The following NUP205 variants were observed in gnomAD, a reference collection of about 807,000 sequenced individuals.
NUP205 encodes the protein nucleoporin 205.
In NUP205, 76 loss-of-function variants were observed where a neutral mutation model predicts 253.8. The ratio of observed to expected loss-of-function variants is 0.30; its 90% CI spans 0.25 to 0.36. The LOEUF (loss-of-function observed/expected upper bound fraction) is 0.36, where lower values mean the gene tolerates loss of function less well. Among genes scored for constraint, NUP205 ranks in the 10% least tolerant of loss-of-function variants. NUP205 has a pLI of 1.00. For synonymous variants in NUP205, 832 were observed against 850.1 expected, an observed-to-expected ratio of 0.98 and a Z score of 0.37; for missense variants, 2,162 against 2,425.5, an observed-to-expected ratio of 0.89 and a Z score of 2.28.
At chr7:135,558,084 T>A in intron 1 of NUP205, 112 bp downstream of exon 1, 2 of 896,996 alleles carry the variant, frequency 2.2e-6, no homozygotes, top group Non-Finnish European at 3.8e-6. Context: ...GTGCGGTGCC[T>A]GCTTTTCCCT....
rs780340598 is a variant in NUP205, at chr7:135,573,789, A to G, written c.307A>G (p.Ile103Val). Reference protein sequence around the residue: ...EAFILSDLFDIGELAAVELLL... With the variant: ...EAFILSDLFDVGELAAVELLL... ...CTTTATTCTCAGTGACCTTTTTGAT[A>G]TTGGAGAATTGGCAGCTGTTGAGCT... The change falls in exon 3 of 43, where the codon ATT (isoleucine) becomes GTT (valine). Residue 103 changes from isoleucine to valine, a missense_variant. Ile to Val is a conservative substitution (Grantham distance 29). Around this residue, in one of 5 missense-constraint regions of NUP205, gnomAD observed 109 missense variants for 131.8 expected, o/e 0.83. Coordinates refer to ENST00000285968, the MANE Select transcript of NUP205 (RefSeq NM_015135.3). 3 of 1,613,232 alleles carry G rather than the reference A, an allele frequency of 1.9e-6. No homozygotes were observed. Among genetic ancestry groups the G allele is most frequent in the Admixed American group, 3.3e-5 (2 of 59,832 alleles).
chr7:135,644,788 TTGAG>T (rs1794976033), intron 39 of NUP205, 103 bp from the exon 40 acceptor site: 4 of 1,083,550 alleles, frequency 3.7e-6, no homozygotes, highest in Non-Finnish European at 5.3e-6. Flanking sequence ...ATGTTTAAAT[TTGAG>T]TGTTTTTCAT....
Position 135,577,145 on chromosome 7 carries a change from A to G in NUP205, c.648+17A>G, listed in dbSNP as rs1457070422. On this transcript the variant is annotated intron_variant, in intron 5 of 42. Coordinates refer to ENST00000285968, the MANE Select transcript of NUP205 (RefSeq NM_015135.3). ...CGCAAAGAGGCAAGGGTTCAATGAAATCAATTCATGAGTTGTCTGTCAAAT... is the reference window on the plus strand; with the variant it reads ...CGCAAAGAGGCAAGGGTTCAATGAAGTCAATTCATGAGTTGTCTGTCAAAT... The G allele has an allele frequency of 6.3e-7, 1 of 1,595,942 alleles. No individual in the cohort carries two copies. The highest frequency in any genetic ancestry group is 1.4e-5 in the African/African-American group (1 of 73,712).
At chr7:135,619,313 G>A in intron 28 of NUP205, 110 bp from the exon 29 acceptor site, 2 of 1,179,860 alleles carry the variant, frequency 1.7e-6, no homozygotes, top group Non-Finnish European at 2.4e-6. Context: ...CTGCACTCCA[G>A]CCTCGGTGAC....
At chr7:135,580,749 C>T (rs1312291723) in intron 7 of NUP205, among the ~76,000 whole-genome samples, 1 of 152,098 alleles carries the variant, frequency 6.6e-6, no homozygotes, top group East Asian at 1.9e-4. Flanking sequence ...AGGCGCGAGC[C>T]ACCATGCCCA....
intron 1 of NUP205, among the ~76,000 whole-genome samples, chr7:135,567,534 C>A (rs1181072092): frequency 6.6e-6 from 1 of 151,598 alleles, no homozygotes; most frequent in East Asian, 1.9e-4. Flanking sequence ...TCTCTTGACC[C>A]CAGGAAGTTG....
At chr7:135,617,857 G>A (rs1288061198) in intron 27 of NUP205, among the ~76,000 whole-genome samples, 175 bp downstream of exon 27, 1 of 150,738 alleles carries the variant, frequency 6.6e-6, no homozygotes, top group Non-Finnish European at 1.5e-5. Context: ...GAACTATCTG[G>A]TATGCCAAAA....
chr7:135,580,699 G>T (rs997654241), intron 7 of NUP205, among the ~76,000 whole-genome samples: 3 of 152,126 alleles, frequency 2.0e-5, no homozygotes, highest in East Asian at 1.9e-4. Context: ...CGGAGCTCAG[G>T]CAATCTGCCT....
chr7:135,589,917 C>T (rs1806580485), intron 10 of NUP205, among the ~76,000 whole-genome samples: 1 of 150,454 alleles, frequency 6.6e-6, no homozygotes, highest in South Asian at 2.1e-4. Context: ...GACCCTGTCT[C>T]AAAAGAAAAA....
At chr7:135,617,056 C>T in intron 25 of NUP205, 34 bp from the exon 26 acceptor site, 1 of 1,513,762 alleles carries the variant, frequency 6.6e-7, no homozygotes, top group Non-Finnish European at 9.0e-7. Flanking sequence ...TTCAATGTCC[C>T]AAGTAAAATC....
Position 135,588,061 on chromosome 7 carries a change from A to G in NUP205, c.1473+69A>G, listed in dbSNP as rs1806522531. ...AGAGAGTCTTGAAAACATGAAAGAT[A>G]TTACTTCCTGATTTTATTGCTGTTA... On this transcript the variant is annotated intron_variant, in intron 10 of 42. Transcript: ENST00000285968. 3 of 1,355,818 alleles carry G rather than the reference A, an allele frequency of 2.2e-6. No homozygotes were observed. In the Admixed American group the frequency reaches 7.2e-5, roughly 33 times the overall value. 84.0% of individuals were successfully genotyped at this position (1,355,818 alleles called of 1,614,324 possible). A position where few individuals can be genotyped will look rare whatever the true frequency, so the allele number is the denominator to read the frequency against.
intron 23 of NUP205, 69 bp from the exon 24 acceptor site, chr7:135,615,847 C>A: frequency 1.0e-6 from 1 of 987,328 alleles, no homozygotes; most frequent in South Asian, 2.7e-5. Context: ...TGTTGAGTTA[C>A]AGAATTTAAG....
At chr7:135,583,972 G>T (rs1443931666) in intron 7 of NUP205, among the ~76,000 whole-genome samples, 1 of 151,672 alleles carries the variant, frequency 6.6e-6, no homozygotes, top group East Asian at 2.0e-4. Context: ...CTCCCCAGTA[G>T]CTGGGATTAC....
rs1794504279 is a variant in NUP205 at position 135,622,852 on chromosome 7, T to C, written c.4406T>C (p.Ile1469Thr). Reference sequence around the variant, plus strand: ...AAATTACAGCGAGAAAACATAGCCATTATTGAAAGTTATGGCGCCGCCCTC... The same window carrying C: ...AAATTACAGCGAGAAAACATAGCCACTATTGAAAGTTATGGCGCCGCCCTC... ...FSKLQRENIA[I>T]IESYGAALME... The change falls in exon 31 of 43, where the codon ATT (isoleucine) becomes ACT (threonine). Residue 1469 changes from isoleucine (I) to threonine (T), a missense_variant. This residue lies in a region of NUP205 where 1,144 missense variants were observed against 1,280.9 expected (regional missense o/e 0.89). Transcript: ENST00000285968. The C allele has an allele frequency of 6.2e-7, 1 of 1,614,042 alleles. No individual in the cohort carries two copies. Among genetic ancestry groups the C allele is most frequent in the African/African-American group, 1.3e-5 (1 of 74,920 alleles).
intron 13 of NUP205, among the ~76,000 whole-genome samples, chr7:135,595,748 G>C (rs1793817606): frequency 6.6e-6 from 1 of 152,068 alleles, no homozygotes; most frequent in Non-Finnish European, 1.5e-5. Context: ...TTTCTCTAGA[G>C]ATAAGCTCCA....
chr7:135,644,068 C>T (rs941549774), intron 39 of NUP205, among the ~76,000 whole-genome samples: 13 of 152,178 alleles, frequency 8.5e-5, no homozygotes, highest in African/African-American at 3.1e-4. Context: ...ACTCAGGGGA[C>T]ATTTATTGAG....
chr7:135,592,946 G>C, intron 11 of NUP205, 41 bp from the exon 12 acceptor site: 1 of 1,355,508 alleles, frequency 7.4e-7, no homozygotes, highest in South Asian at 1.2e-5. Context: ...CAAATGCTTA[G>C]ATGTTTTTTA....
chr7:135,629,804 C>T (rs1438034189), intron 34 of NUP205, among the ~76,000 whole-genome samples: 2 of 152,022 alleles, frequency 1.3e-5, no homozygotes, highest in South Asian at 4.1e-4. Context: ...GGATTACAGG[C>T]GTGAGCCACC....
At chr7:135,596,976 T>G (rs559998830) in intron 13 of NUP205, among the ~76,000 whole-genome samples, 78 of 150,746 alleles carry the variant, frequency 5.2e-4, no homozygotes, top group African/African-American at 1.9e-3. Context: ...AAAAAAAAAT[T>G]GAAAAAAAGA....
Sources: gnomAD v4.1 joint callset for allele counts (sites outside exome capture counted in the v4.1 genomes callset) on GRCh38, gnomAD v4.1.1 for gene constraint, gnomAD v4.1.1 regional missense constraint, MANE v1.5 for transcripts, NCBI Gene and HGNC (gene_info 2026-07-23, HGNC 2026-07-21) for gene names.